Variants in ITGA1 observed in about 807,000 individuals in gnomAD.
ITGA1 encodes the protein integrin subunit alpha 1.
Under a neutral mutation model 145.9 loss-of-function variants are expected in ITGA1, and 85 were observed. The observed-to-expected ratio is 0.58, with a 90% CI of 0.49 to 0.70. The LOEUF (loss-of-function observed/expected upper bound fraction) is 0.70, where lower values mean the gene tolerates loss of function less well. Among genes scored for constraint, ITGA1 ranks in the 30% least tolerant of loss-of-function variants. ITGA1 has a pLI of 0.00. For missense variants in ITGA1, 1,351 were observed against 1,418.7 expected, an observed-to-expected ratio of 0.95 and a Z score of 0.77; for synonymous variants, 520 against 495.3, an observed-to-expected ratio of 1.05 and a Z score of -0.66.
At chr5:52,832,195 C>T (rs1025001423) in intron 1 of ITGA1, among the ~76,000 whole-genome samples, 9 of 152,252 alleles carry the variant, frequency 5.9e-5, no homozygotes, top group African/African-American at 2.2e-4. Context: ...TTCCATGGAT[C>T]TCTCCACCAA....
intron 7 of ITGA1, among the ~76,000 whole-genome samples, chr5:52,883,221 G>A (rs1749989801): frequency 6.6e-6 from 1 of 152,272 alleles, no homozygotes; most frequent in Non-Finnish European, 1.5e-5. Flanking sequence ...CTGCACATTC[G>A]AAGTAAGTCA....
At chr5:52,875,326 A>T (rs1276278669) in intron 6 of ITGA1, among the ~76,000 whole-genome samples, 3 of 152,054 alleles carry the variant, frequency 2.0e-5, no homozygotes, top group African/African-American at 4.8e-5. Context: ...GGGGCTTACC[A>T]GAAAATATGA....
intron 1 of ITGA1, among the ~76,000 whole-genome samples, chr5:52,835,649 T>TAGATGTGTG (rs1460370678): frequency 6.6e-6 from 1 of 152,196 alleles, no homozygotes; most frequent in East Asian, 1.9e-4. Flanking sequence ...GATGAATTTA[T>TAGATGTGTG]AGATGTGTGT....
At chr5:52,937,264 A>G (rs773222374) in intron 23 of ITGA1, 137 bp from the exon 24 acceptor site, 37 of 655,246 alleles carry the variant, frequency 5.6e-5, no homozygotes, top group Non-Finnish European at 8.4e-5. Flanking sequence ...GTACAGCACC[A>G]TAAAGGATCT....
intron 7 of ITGA1, among the ~76,000 whole-genome samples, chr5:52,882,473 G>A (rs1370389122): frequency 4.6e-5 from 7 of 151,782 alleles, no homozygotes; most frequent in African/African-American, 1.7e-4. Flanking sequence ...CTAGATAAGA[G>A]GTGTTAAGGC....
rs766649572 is a variant in ITGA1 at position 52,927,640 on chromosome 5, T to C, written c.2670T>C (p.Tyr890=). The C allele has an allele frequency of 3.1e-6, 5 of 1,609,858 alleles. No homozygotes were observed. Among genetic ancestry groups the C allele is most frequent in the Non-Finnish European group, 4.2e-6 (5 of 1,176,570 alleles). The change falls in exon 20 of 29, where the codon TAT becomes TAC. Residue 890 remains tyrosine (Y), a synonymous_variant. Coordinates refer to ENST00000282588, the MANE Select transcript of ITGA1 (RefSeq NM_181501.2). ...SNHNITCKVG[Y]PFLRRGEMVT... ...ATAATATCACATGTAAAGTTGGATA[T>C]CCCTTCCTGAGAAGAGGAGAGATGG...
At chr5:52,947,995 A>G (rs1447617176) in intron 28 of ITGA1, among the ~76,000 whole-genome samples, 5 of 152,142 alleles carry the variant, frequency 3.3e-5, no homozygotes, top group African/African-American at 4.8e-5. Context: ...AGTGGAGGAT[A>G]AGGGATCAGC....
In ITGA1 at chr5:52,872,033, C is replaced by A. The variant is rs148521451; in HGVS notation, c.624+6216C>A. Among the ~76,000 whole-genome samples, 1,160 of 152,028 alleles carry A rather than the reference C, an allele frequency of 7.6e-3. 11 individuals are homozygous for A. The highest frequency in any genetic ancestry group is 0.02 in the South Asian group (94 of 4,804). ...AAGTGTGCATTACCCTAAATAAAAC[C>A]AGTAAATTGTGAGGCTTGATATAAA... On this transcript the variant is annotated intron_variant, in intron 6 of 28. Coordinates refer to ENST00000282588, the MANE Select transcript of ITGA1 (RefSeq NM_181501.2).
chr5:52,937,582 G>C, intron 24 of ITGA1, 68 bp downstream of exon 24: 1 of 946,794 alleles, frequency 1.1e-6, no homozygotes, highest in Non-Finnish European at 1.7e-6. Flanking sequence ...TAAGCCTTTT[G>C]TTCTGCATGA....
intron 7 of ITGA1, among the ~76,000 whole-genome samples, chr5:52,885,009 AT>A (rs1242166402): frequency 6.6e-6 from 1 of 152,184 alleles, no homozygotes; most frequent in African/African-American, 2.4e-5. Flanking sequence ...GTTTGATTAT[AT>A]GCTAGAGTGG....
intron 11 of ITGA1, among the ~76,000 whole-genome samples, chr5:52,900,838 A>G (rs1486167115): frequency 6.6e-6 from 1 of 152,220 alleles, no homozygotes; most frequent in Non-Finnish European, 1.5e-5. Flanking sequence ...TATATTTAGT[A>G]CTGTGCCTGA....
intron 1 of ITGA1, among the ~76,000 whole-genome samples, chr5:52,832,775 G>GTGTGTGTGTC (rs1554042254): frequency 1.0e-4 from 11 of 110,006 alleles, no homozygotes; most frequent in Non-Finnish European, 1.6e-4. Flanking sequence ...CTGTGTGTGT[G>GTGTGTGTGTC]TGTGTGTGTG....
intron 1 of ITGA1, among the ~76,000 whole-genome samples, chr5:52,826,194 G>T (rs1463467567): frequency 6.6e-6 from 1 of 152,146 alleles, no homozygotes; most frequent in Admixed American, 6.6e-5. Context: ...CAGCCTTATT[G>T]CTGATATATA....
At chr5:52,911,091 GTA>G (rs1270321005) in intron 14 of ITGA1, among the ~76,000 whole-genome samples, 2 of 125,650 alleles carry the variant, frequency 1.6e-5, no homozygotes, top group Non-Finnish European at 1.5e-5. Context: ...TATATATAGT[GTA>G]TATATAGTGT....
chr5:52,880,202 AC>A (rs769445312), intron 6 of ITGA1, among the ~76,000 whole-genome samples: 2 of 151,860 alleles, frequency 1.3e-5, no homozygotes, highest in Non-Finnish European at 2.9e-5. Flanking sequence ...CTTAGACTAG[AC>A]CCCCCTTCCA....
At position 52,832,302 on chromosome 5, in the gene ITGA1, A is replaced by T. The variant is rs535241090; in HGVS notation, c.62-17063A>T. On this transcript the variant is annotated intron_variant, in intron 1 of 28. Transcript: ENST00000282588. ...ATCAACGGTGGCCAAGAGTGTAGGT[A>T]ACTAGATGGCTCATTCAGATCTGAT... Among the ~76,000 whole-genome samples the T allele has an allele frequency of 2.0e-5, 3 of 152,222 alleles. No homozygotes were observed. The South Asian group carries it at 6.2e-4, about 32-fold the overall frequency.
chr5:52,830,080 A>G (rs1269339152), intron 1 of ITGA1, among the ~76,000 whole-genome samples: 4 of 152,178 alleles, frequency 2.6e-5, no homozygotes, highest in Non-Finnish European at 5.9e-5. Context: ...TCAATAGATT[A>G]AAAGTTATTT....
intron 1 of ITGA1, among the ~76,000 whole-genome samples, chr5:52,793,958 A>G (rs1356949048): frequency 1.3e-5 from 2 of 152,098 alleles, no homozygotes; most frequent in Non-Finnish European, 2.9e-5. Flanking sequence ...TATAGGAAGA[A>G]GACTAATTTT....
intron 6 of ITGA1, among the ~76,000 whole-genome samples, chr5:52,866,664 T>G (rs2111779422): frequency 6.6e-6 from 1 of 152,358 alleles, no homozygotes; most frequent in Non-Finnish European, 1.5e-5. Context: ...AATAGTTGTT[T>G]GTTTATCCCC....
Sources: gnomAD v4.1 joint callset for allele counts (sites outside exome capture counted in the v4.1 genomes callset) on GRCh38, gnomAD v4.1.1 for gene constraint, MANE v1.5 for transcripts, NCBI Gene and HGNC (gene_info 2026-07-23, HGNC 2026-07-21) for gene names.